Variants in TAB2 observed in about 807,000 individuals in gnomAD.
The protein encoded by TAB2 is TGF-beta activated kinase 1 (MAP3K7) binding protein 2, also known as TGF-beta-activated kinase 1 and MAP3K7-binding protein 2.
Under a neutral mutation model 65.0 loss-of-function variants are expected in TAB2, and 3 were observed. The ratio of observed to expected loss-of-function variants is 0.05; its 90% confidence interval spans 0.02 to 0.12. TAB2 has a LOEUF of 0.12. Ranked by LOEUF, TAB2 falls within the 10% of genes least tolerant of loss-of-function variation. TAB2 has a pLI of 1.00. For missense variants in TAB2, 623 were observed against 840.3 expected, an observed-to-expected ratio of 0.74 and a Z score of 3.20; for synonymous variants, 298 against 285.1, an observed-to-expected ratio of 1.05 and a Z score of -0.46.
chr6:149,327,107 A>G (rs75267443), intron 1 of TAB2, among the ~76,000 whole-genome samples: 2,227 of 152,292 alleles, frequency 0.015, 55 homozygotes, highest in African/African-American at 0.051. Context: ...TACAAAGCCT[A>G]TTATACAGAT....
chr6:149,347,775 T>C (rs1381851310), intron 1 of TAB2, among the ~76,000 whole-genome samples: 1 of 152,078 alleles, frequency 6.6e-6, no homozygotes, highest in Non-Finnish European at 1.5e-5. Flanking sequence ...ATAAATTCTT[T>C]TAAAGTTAAT....
intron 1 of TAB2, among the ~76,000 whole-genome samples, chr6:149,335,345 GT>G (rs1453696391): frequency 6.6e-6 from 1 of 150,642 alleles, no homozygotes; most frequent in Non-Finnish European, 1.5e-5. Flanking sequence ...ATATATGTGT[GT>G]ATATATAACA....
At chr6:149,312,122 A>G (rs1416647087) in intron 1 of TAB2, among the ~76,000 whole-genome samples, 1 of 152,220 alleles carries the variant, frequency 6.6e-6, no homozygotes, top group Non-Finnish European at 1.5e-5. Flanking sequence ...CTGATTTCTC[A>G]TGGACCCCAC....
At chr6:149,298,158 T>C (rs1426512640) in intron 1 of TAB2, among the ~76,000 whole-genome samples, 1 of 152,190 alleles carries the variant, frequency 6.6e-6, no homozygotes, top group Non-Finnish European at 1.5e-5. Context: ...CAGGAGATTA[T>C]ATTCAAAGCT....
chr6:149,291,229 A>AAGAT (rs1778770020), intron 1 of TAB2: 1 of 152,260 alleles, frequency 6.6e-6, no homozygotes, highest in Admixed American at 6.5e-5. Flanking sequence ...TTTATAATCC[A>AAGAT]AGATTGCTGA....
chr6:149,357,430 AACACAC>A lies in TAB2; in HGVS notation c.-89-12447_-89-12442del, dbSNP rs1554261742. 3.1e-3 allele frequency among the ~76,000 whole-genome samples: 341 copies of A among 111,186 alleles called. 4 individuals carry two copies. The highest frequency in any genetic ancestry group is 4.5e-3 in the African/African-American group (131 of 29,206). The allele number at this position is 111,186 out of a possible 152,430, so 72.9% of individuals were successfully genotyped here. On this transcript the variant is annotated intron_variant, in intron 1 of 6. Transcript: ENST00000637181. ...GACTCCGTCTCAAGGAGAAAAAAAA[AACACAC>A]ACACACACACACACACACACACACA...
At chr6:149,233,563 C>T (rs891920926) in intron 1 of TAB2, among the ~76,000 whole-genome samples, 3 of 152,178 alleles carry the variant, frequency 2.0e-5, no homozygotes, top group Non-Finnish European at 4.4e-5. Context: ...CAACATGTAA[C>T]TGCCCCCTAA....
chr6:149,388,792 G>C (rs1322960711), intron 3 of TAB2, among the ~76,000 whole-genome samples: 1 of 151,554 alleles, frequency 6.6e-6, no homozygotes, highest in African/African-American at 2.4e-5. Context: ...TTTCTACTTT[G>C]TTACTACCTT....
chr6:149,364,733 A>G (rs1032943593), intron 1 of TAB2, among the ~76,000 whole-genome samples: 5 of 149,508 alleles, frequency 3.3e-5, no homozygotes, highest in Admixed American at 2.7e-4. Flanking sequence ...CCAGATTTTC[A>G]TAAGACCTAT....
At chr6:149,371,624 C>G (rs1781230035) in intron 2 of TAB2, among the ~76,000 whole-genome samples, 1 of 152,076 alleles carries the variant, frequency 6.6e-6, no homozygotes, top group African/African-American at 2.4e-5. Flanking sequence ...TTCATTTCCT[C>G]CACTGTACAG....
chr6:149,228,868 C>A (rs567287445), intron 1 of TAB2, among the ~76,000 whole-genome samples: 9 of 152,346 alleles, frequency 5.9e-5, no homozygotes, highest in African/African-American at 2.2e-4. Context: ...TGCGTGCATG[C>A]ATGTGTGTGT....
At chr6:149,228,261 A>G (rs1213781068) in intron 1 of TAB2, among the ~76,000 whole-genome samples, 1 of 152,256 alleles carries the variant, frequency 6.6e-6, no homozygotes, top group Non-Finnish European at 1.5e-5. Flanking sequence ...CATTTGAATT[A>G]CAAATGTATA....
intron 1 of TAB2, among the ~76,000 whole-genome samples, chr6:149,287,428 G>T (rs1778695487): frequency 6.6e-6 from 1 of 150,834 alleles, no homozygotes; most frequent in Non-Finnish European, 1.5e-5. Flanking sequence ...GAAATAATAA[G>T]CTTCCCCTAC....
chr6:149,327,939 A>C (rs1358107605), intron 1 of TAB2, among the ~76,000 whole-genome samples: 1 of 152,210 alleles, frequency 6.6e-6, no homozygotes, highest in African/African-American at 2.4e-5. Flanking sequence ...CATTCTCTTC[A>C]TGAGATTTTT....
intron 1 of TAB2, among the ~76,000 whole-genome samples, chr6:149,262,867 G>A (rs530847424): frequency 4.0e-5 from 6 of 151,770 alleles, no homozygotes; most frequent in South Asian, 2.1e-4. Flanking sequence ...GCTGTGGCAC[G>A]ATTGTAGCTT....
Position 149,397,678 on chromosome 6 carries a change from A to G in TAB2, c.1678A>G (p.Lys560Glu). Reference sequence around the variant, plus strand: ...TGAGATTCAAAAGAAAAAGCTGGATAAATTAAAATCTGAGGTTAATGAAAT... The same window carrying G: ...TGAGATTCAAAAGAAAAAGCTGGATGAATTAAAATCTGAGGTTAATGAAAT... ...ELEIQKKKLD[K>E]LKSEVNEMEN... is the part of the protein sequence containing the mutation. The change falls in exon 4 of 7, where the codon AAA (lysine) becomes GAA (glutamate). Residue 560 changes from lysine (K) to glutamate (E), a missense_variant. Physicochemically the swap from Lys to Glu is moderately conservative, Grantham distance 56. Transcript: ENST00000637181. 6.2e-7 allele frequency: 1 copy of G among 1,614,104 alleles called. No individual in the cohort carries two copies. The highest frequency in any genetic ancestry group is 8.5e-7 in the Non-Finnish European group (1 of 1,179,996).
chr6:149,229,260 TGTCA>T (rs1334665468), intron 1 of TAB2, among the ~76,000 whole-genome samples: 1 of 151,996 alleles, frequency 6.6e-6, no homozygotes, highest in Non-Finnish European at 1.5e-5. Context: ...AAACATGCAG[TGTCA>T]GTAACTAAAC....
chr6:149,324,401 TATTA>T (rs1779539965), intron 1 of TAB2, among the ~76,000 whole-genome samples: 1 of 152,160 alleles, frequency 6.6e-6, no homozygotes, highest in African/African-American at 2.4e-5. Context: ...TAAATAATAT[TATTA>T]ATATTATTTT....
Position 149,300,422 on chromosome 6 carries a change from G to A in TAB2, c.-120-77596G>A, listed in dbSNP as rs1562405288. On this transcript the variant is annotated intron_variant, in intron 1 of 1. Coordinates refer to the TAB2 transcript ENST00000606202. ...CTCTGACCTTGAGCAAGTCACATCAGTTTCTGCACAGATAAAATAAGGGAG... is the reference window on the plus strand; with the variant it reads ...CTCTGACCTTGAGCAAGTCACATCAATTTCTGCACAGATAAAATAAGGGAG... Among the ~76,000 whole-genome samples, 3 of 152,302 alleles carry A rather than the reference G, an allele frequency of 2.0e-5. No individual in the cohort carries two copies. The East Asian group carries it at 5.8e-4, about 29-fold the overall frequency.
Sources: gnomAD v4.1 joint callset for allele counts (sites outside exome capture counted in the v4.1 genomes callset) on GRCh38, gnomAD v4.1.1 for gene constraint, MANE v1.5 for transcripts, NCBI Gene and HGNC (gene_info 2026-07-23, HGNC 2026-07-21) for gene names.